The following TACC1 variants were observed in gnomAD, a reference collection of about 807,000 sequenced individuals.
The protein encoded by TACC1 is transforming acidic coiled-coil containing protein 1.
Under a neutral mutation model 84.4 loss-of-function variants are expected in TACC1, and 48 were observed. That is an observed-to-expected ratio of 0.57 (90% CI 0.45 to 0.72). The LOEUF (loss-of-function observed/expected upper bound fraction) is 0.72, where lower values mean the gene tolerates loss of function less well. Ranked by LOEUF, TACC1 falls within the 30% of genes least tolerant of loss-of-function variation. TACC1 has a pLI of 0.00. For missense variants in TACC1, 920 were observed against 973.0 expected (o/e 0.95, Z 0.72); for synonymous variants, 372 against 376.3 (o/e 0.99, Z 0.13).
chr8:38,806,450 G>A (rs923752325), intron 2 of TACC1, among the ~76,000 whole-genome samples: 4 of 151,686 alleles, frequency 2.6e-5, no homozygotes, highest in African/African-American at 4.8e-5. Flanking sequence ...TGGTCTGCCT[G>A]TGTGTGTGTG....
rs532045886 is a variant in TACC1, at chr8:38,820,162, G to A, written c.918G>A (p.Gly306=). 1.2e-6 allele frequency: 2 copies of A among 1,614,014 alleles called. No homozygotes were observed. The highest frequency in any genetic ancestry group is 1.7e-6 in the Non-Finnish European group (2 of 1,180,032). Residue 306 remains glycine, a synonymous_variant, in exon 3 of 13, where the codon GGG becomes GGA. Coordinates refer to ENST00000317827, the MANE Select transcript of TACC1 (RefSeq NM_006283.3). ...TCAGTAGTGACACCAACGACTCAGG[G>A]GTTGAGCTGGGGGAGGAGTCGAGGA... ...GTLSSDTNDS[G]VELGEESRSS...
At chr8:38,835,455 A>G (rs765101752) in intron 6 of TACC1, among the ~76,000 whole-genome samples, 1 of 152,148 alleles carries the variant, frequency 6.6e-6, no homozygotes, top group Non-Finnish European at 1.5e-5. Context: ...GCCAGAAGGG[A>G]GTGGAAAACT....
At chr8:38,763,282 T>C (rs1472340573) in intron 3 of TACC1, among the ~76,000 whole-genome samples, 3 of 151,922 alleles carry the variant, frequency 2.0e-5, no homozygotes, top group African/African-American at 7.3e-5. Context: ...CTCGAGTAGC[T>C]GGACCACAGG....
At chr8:38,824,435 T>A (rs1396909485) in intron 3 of TACC1, among the ~76,000 whole-genome samples, 1 of 152,218 alleles carries the variant, frequency 6.6e-6, no homozygotes, top group Non-Finnish European at 1.5e-5. Context: ...CAGCTCAACT[T>A]GAGTTTGGTG....
intron 3 of TACC1, among the ~76,000 whole-genome samples, chr8:38,771,239 T>C (rs897316801): frequency 3.3e-5 from 5 of 151,818 alleles, no homozygotes; most frequent in African/African-American, 1.2e-4. Flanking sequence ...GGAGTTGGAG[T>C]TGGGGATGGA....
chr8:38,774,591 C>T (rs1273485371), intron 3 of TACC1, among the ~76,000 whole-genome samples: 3 of 152,200 alleles, frequency 2.0e-5, no homozygotes, highest in Non-Finnish European at 4.4e-5. Context: ...TTCCTGGGCT[C>T]AAATGATCCT....
At chr8:38,824,488 A>G (rs1425579087) in intron 3 of TACC1, among the ~76,000 whole-genome samples, 1 of 152,250 alleles carries the variant, frequency 6.6e-6, no homozygotes, top group Non-Finnish European at 1.5e-5. Context: ...AAAGAAGATC[A>G]TGAACTAGTG....
At chr8:38,839,128 A>G (rs547030932) in intron 8 of TACC1, among the ~76,000 whole-genome samples, 3 of 152,184 alleles carry the variant, frequency 2.0e-5, no homozygotes, top group Non-Finnish European at 2.9e-5. Context: ...AGCTCAAGCA[A>G]TGCACCTGCC....
At chr8:38,763,472 A>G (rs1218587740) in intron 3 of TACC1, among the ~76,000 whole-genome samples, 1 of 152,160 alleles carries the variant, frequency 6.6e-6, no homozygotes, top group African/African-American at 2.4e-5. Flanking sequence ...TTGTTTTAGC[A>G]TAAACAAGAC....
chr8:38,784,720 C>A (rs1230287119), upstream of TACC1, among the ~76,000 whole-genome samples: 6 of 152,206 alleles, frequency 3.9e-5, no homozygotes, highest in Non-Finnish European at 7.3e-5. Context: ...GCCAAACTCA[C>A]AAGGACTATT....
exon 2 of TACC1, chr8:38,742,353 C>T: frequency 7.2e-7 from 1 of 1,398,266 alleles, no homozygotes; most frequent in Non-Finnish European, 9.5e-7. Flanking sequence ...TCTTCCAGTC[C>T]CAAGGGTTCC....
chr8:38,834,474 G>T (rs1039701699), intron 6 of TACC1, among the ~76,000 whole-genome samples: 1 of 152,180 alleles, frequency 6.6e-6, no homozygotes, highest in Non-Finnish European at 1.5e-5. Context: ...GGGGTTACTG[G>T]GGGGCATTTT....
chr8:38,773,792 T>G (rs897605060), intron 3 of TACC1, among the ~76,000 whole-genome samples: 1 of 151,892 alleles, frequency 6.6e-6, no homozygotes, highest in Non-Finnish European at 1.5e-5. Flanking sequence ...TAAATATTAA[T>G]AGAAAAACAT....
intron 1 of TACC1, among the ~76,000 whole-genome samples, chr8:38,732,176 GGAA>G (rs1563736341): frequency 1.9e-3 from 181 of 97,450 alleles, no homozygotes; most frequent in African/African-American, 7.5e-3. Context: ...AAGGAAGGAA[GGAA>G]GGAAGAGGGA....
chr8:38,787,306 G>C lies in TACC1; in HGVS notation c.-277G>C. On this transcript the variant is annotated 5_prime_UTR_variant, in exon 1 of 13. Transcript: ENST00000317827. ...GCGCCGCGGGCCGGGGGCCTGAGGAGGCCACAGGACGGGCGTCTTCCCGGC... is the reference window on the plus strand; with the variant it reads ...GCGCCGCGGGCCGGGGGCCTGAGGACGCCACAGGACGGGCGTCTTCCCGGC... The C allele has an allele frequency of 8.4e-7, 1 of 1,191,944 alleles. No individual in the cohort carries two copies. The allele number at this position is 1,191,944 out of a possible 1,614,324, so 73.8% of individuals were successfully genotyped here.
chr8:38,762,990 A>G (rs1811518339), intron 3 of TACC1, among the ~76,000 whole-genome samples: 1 of 152,178 alleles, frequency 6.6e-6, no homozygotes, highest in Admixed American at 6.5e-5. Flanking sequence ...TTTTTGAGGA[A>G]CCACAAAACT....
chr8:38,737,804 C>G (rs565130200), intron 1 of TACC1, among the ~76,000 whole-genome samples: 194 of 151,620 alleles, frequency 1.3e-3, no homozygotes, highest in African/African-American at 4.6e-3. Flanking sequence ...CTCGGCTCAC[C>G]GCAACCTCTG....
Position 38,839,506 on chromosome 8 carries a change from G to T in TACC1, c.1917-718G>T, listed in dbSNP as rs10098979. The stretch of plus-strand genomic sequence containing the variant: ...TCTTTTAAGCATTTCCTAGGTGTAA[G>T]GCCCTTTGCTGGGCTTGATGGAAAG... On this transcript the variant is annotated intron_variant, in intron 8 of 12. Transcript: ENST00000317827. The T allele has an allele frequency of 1.5e-3, 524 of 342,042 alleles. 5 individuals carry two copies. The highest frequency in any genetic ancestry group is 9.5e-3 in the African/African-American group (456 of 47,790). 21.2% of individuals were successfully genotyped at this position (342,042 alleles called of 1,614,324 possible). A position where few individuals can be genotyped will look rare whatever the true frequency, so the allele number is the denominator to read the frequency against.
intron 1 of TACC1, 55 bp downstream of exon 1, chr8:38,787,798 C>T: frequency 2.1e-6 from 3 of 1,431,410 alleles, no homozygotes; most frequent in Non-Finnish European, 2.8e-6. Flanking sequence ...CATCCATCTG[C>T]GACTCCCTCT....
Sources: allele counts gnomAD v4.1 joint callset (sites outside exome capture counted in the v4.1 genomes callset), GRCh38; gene constraint gnomAD v4.1.1; transcripts MANE v1.5; gene names NCBI Gene and HGNC (gene_info 2026-07-23, HGNC 2026-07-21).